Variants in NBAS observed in about 807,000 individuals in gnomAD.
NBAS encodes NBAS subunit of NRZ tethering complex.
Under a neutral mutation model 302.5 loss-of-function variants are expected in NBAS, and 219 were observed. The observed-to-expected ratio is 0.72, with a 90% confidence interval of 0.65 to 0.81. The LOEUF is 0.81. NBAS is among the 30% of genes least tolerant of loss of function. The probability of loss-of-function intolerance (pLI) is 0.00; values close to 1 mark genes in which losing one functional copy is unlikely to be tolerated. For missense variants in NBAS, 2,932 were observed against 2,841.6 expected (o/e 1.03, Z -0.72); for synonymous variants, 1,118 against 1,021.6 (o/e 1.09, Z -1.80).
At chr2:15,391,894 A>T (rs1203625231) in intron 28 of NBAS, among the ~76,000 whole-genome samples, 1 of 151,788 alleles carries the variant, frequency 6.6e-6, no homozygotes, top group Non-Finnish European at 1.5e-5. Context: ...AAAAAAAAAA[A>T]CTGTCACATT....
rs559157020 is a variant in NBAS at position 15,406,943 on chromosome 2, T to C, written c.2938-4642A>G. Among the ~76,000 whole-genome samples, 31 of 152,248 alleles carry C rather than the reference T, an allele frequency of 2.0e-4. 1 individual carries two copies. The South Asian group carries it at 5.6e-3, about 28-fold the overall frequency. ...CATACTCCTACTTGGCTGGTGGGAATGTAAATTAGAACAGTCCTACTAAAG... is the reference window on the plus strand; with the variant it reads ...CATACTCCTACTTGGCTGGTGGGAACGTAAATTAGAACAGTCCTACTAAAG... On this transcript the variant is annotated intron_variant, in intron 25 of 51. Coordinates refer to ENST00000281513, the MANE Select transcript of NBAS (RefSeq NM_015909.4).
chr2:15,098,048 ATATATTATATTGTATATATTATATTG>A, the NBAS span, among the ~76,000 whole-genome samples: 4 of 88 alleles, frequency 0.045, 1 homozygote, highest in Non-Finnish European at 0.12. Context: ...ATTGTATATA[ATATATTATATTGTATATATTATATTG>A]TATATATTAT....
At chr2:15,414,882 T>C (rs1229070758) in intron 25 of NBAS, among the ~76,000 whole-genome samples, 2 of 152,008 alleles carry the variant, frequency 1.3e-5, no homozygotes, top group African/African-American at 4.8e-5. Context: ...AAGACGGAGG[T>C]TGCAGTGAGC....
Position 15,553,982 on chromosome 2 carries a change from A to C in NBAS, c.287+79T>G, listed in dbSNP as rs1664518718. ...ATAAAAATCAAGACTGAAAGCCACA[A>C]GCATTCCAAAATTAACGTCCATAAT... On this transcript the variant is annotated intron_variant, in intron 4 of 51. Transcript: ENST00000281513. The C allele has an allele frequency of 4.0e-6, 5 of 1,242,070 alleles. No individual in the cohort carries two copies. In the South Asian group the frequency reaches 6.2e-5, roughly 15 times the overall value. The allele number at this position is 1,242,070 out of a possible 1,614,324, so 76.9% of individuals were successfully genotyped here. A position where few individuals can be genotyped will look rare whatever the true frequency, so the allele number is the denominator to read the frequency against.
At chr2:15,016,494 T>G in the NBAS span, among the ~76,000 whole-genome samples, 10 of 152,228 alleles carry the variant, frequency 6.6e-5, no homozygotes, top group South Asian at 1.5e-3. Context: ...AATGGAAAGA[T>G]ATGCCATGCT....
At chr2:14,790,807 A>T in the NBAS span, among the ~76,000 whole-genome samples, 1 of 151,770 alleles carries the variant, frequency 6.6e-6, no homozygotes, top group East Asian at 1.9e-4. Flanking sequence ...ATGTGCCACC[A>T]CACCCAGGTA....
At chr2:15,504,109 T>G in intron 11 of NBAS, 36 bp downstream of exon 11, 2 of 1,565,126 alleles carry the variant, frequency 1.3e-6, no homozygotes, top group Non-Finnish European at 8.8e-7. Context: ...TAAAAATGTT[T>G]GAGAAGCCCA....
chr2:14,925,057 A>G, the NBAS span, among the ~76,000 whole-genome samples: 3 of 152,216 alleles, frequency 2.0e-5, no homozygotes, highest in Non-Finnish European at 4.4e-5. Context: ...GTTAACTTCT[A>G]CTTTCCCAAG....
chr2:14,943,122 A>G, the NBAS span, among the ~76,000 whole-genome samples: 2 of 152,226 alleles, frequency 1.3e-5, no homozygotes, highest in African/African-American at 4.8e-5. Flanking sequence ...TTGGAAGCAC[A>G]TGCATAAATT....
chr2:15,396,296 C>G (rs1675861126), intron 27 of NBAS, 117 bp downstream of exon 27: 1 of 779,910 alleles, frequency 1.3e-6, no homozygotes, highest in South Asian at 1.9e-5. Context: ...CCAAGACAAT[C>G]AAACAAAAAT....
At chr2:15,271,666 G>A (rs1669331636) in intron 44 of NBAS, among the ~76,000 whole-genome samples, 1 of 152,218 alleles carries the variant, frequency 6.6e-6, no homozygotes, top group Admixed American at 6.5e-5. Context: ...ATCTATGGAT[G>A]TAGCAGTACT....
At chr2:15,351,125 C>T (rs1333302823) in intron 35 of NBAS, among the ~76,000 whole-genome samples, 1 of 152,080 alleles carries the variant, frequency 6.6e-6, no homozygotes, top group African/African-American at 2.4e-5. Flanking sequence ...ACTATGCACA[C>T]CGAAATTGAT....
At chr2:14,998,473 C>G in the NBAS span, among the ~76,000 whole-genome samples, 1 of 152,122 alleles carries the variant, frequency 6.6e-6, no homozygotes, top group Non-Finnish European at 1.5e-5. Flanking sequence ...CTCAGGGTGT[C>G]CTTGGGTGAG....
chr2:15,147,490 G>T, the NBAS span, among the ~76,000 whole-genome samples: 2 of 152,218 alleles, frequency 1.3e-5, no homozygotes, highest in South Asian at 2.1e-4. Flanking sequence ...CTACTCGGGA[G>T]GCTGAGGCAG....
At chr2:15,053,224 A>G in the NBAS span, among the ~76,000 whole-genome samples, 1 of 152,258 alleles carries the variant, frequency 6.6e-6, no homozygotes, top group African/African-American at 2.4e-5. Flanking sequence ...GAGGTATGCC[A>G]TATTCCTCTT....
intron 29 of NBAS, among the ~76,000 whole-genome samples, chr2:15,382,900 T>C (rs963070491): frequency 6.6e-6 from 1 of 152,092 alleles, no homozygotes; most frequent in Non-Finnish European, 1.5e-5. Flanking sequence ...CAGGACAGAT[T>C]TGAAGGTCTT....
At chr2:15,073,764 T>A in the NBAS span, among the ~76,000 whole-genome samples, 1 of 152,232 alleles carries the variant, frequency 6.6e-6, no homozygotes, top group African/African-American at 2.4e-5. Flanking sequence ...ATATTAAGTT[T>A]GTGAGAGTCA....
chr2:14,819,956 C>T, the NBAS span, among the ~76,000 whole-genome samples: 6 of 152,180 alleles, frequency 3.9e-5, no homozygotes, highest in Non-Finnish European at 5.9e-5. Context: ...ATCAAAACTA[C>T]AATGAGATAT....
the NBAS span, among the ~76,000 whole-genome samples, chr2:15,155,785 G>A: frequency 6.6e-6 from 1 of 152,160 alleles, no homozygotes; most frequent in Admixed American, 6.5e-5. Context: ...AAAACTGACT[G>A]TTGAAAAGTT....
Sources: gnomAD v4.1 joint callset for allele counts (sites outside exome capture counted in the v4.1 genomes callset) on GRCh38, gnomAD v4.1.1 for gene constraint, MANE v1.5 for transcripts, NCBI Gene and HGNC (gene_info 2026-07-23, HGNC 2026-07-21) for gene names.